Variants in LRRC9 observed in about 807,000 individuals in gnomAD.
LRRC9 encodes leucine-rich repeat-containing protein 9.
LRRC9 carries 122 observed loss-of-function variants against 63.2 expected under a neutral mutation model. The observed-to-expected ratio is 1.93, with a 90% confidence interval of 1.67 to 2.24. The LOEUF is 2.24. LRRC9 is among the 30% of genes most tolerant of loss of function. LRRC9 has a pLI of 0.00. For synonymous variants in LRRC9, 366 were observed against 213.1 expected (o/e 1.72, Z -6.25); for missense variants, 1,071 against 627.7 (o/e 1.71, Z -7.55).
intron 8 of LRRC9, among the ~76,000 whole-genome samples, chr14:59,949,774 C>A (rs1463613732): frequency 6.7e-6 from 1 of 150,176 alleles, no homozygotes; most frequent in East Asian, 2.0e-4. Flanking sequence ...CATTCAGGAG[C>A]AGGTTGTTCA....
Position 59,932,159 on chromosome 14 carries a change from C to A in LRRC9, c.543+120C>A. On this transcript the variant is annotated intron_variant, in intron 6 of 31. Transcript: ENST00000445360. The surrounding 1 kb of genome is among the most constrained non-coding windows in gnomAD (Gnocchi z 4.7). ...ATAAGTTCATTATTTTGGGCTGATGCTCCAGGAAATTTGAAAGTCATCTGA... is the reference window on the plus strand; with the variant it reads ...ATAAGTTCATTATTTTGGGCTGATGATCCAGGAAATTTGAAAGTCATCTGA... 1.8e-6 allele frequency: 1 copy of A among 570,626 alleles called. No homozygotes were observed. The highest frequency in any genetic ancestry group is 3.1e-6 in the Non-Finnish European group (1 of 325,530). The allele number at this position is 570,626 out of a possible 1,614,324, so 35.3% of individuals were successfully genotyped here.
At chr14:59,947,427 G>T (rs1882571650) in intron 8 of LRRC9, among the ~76,000 whole-genome samples, 2 of 124,250 alleles carry the variant, frequency 1.6e-5, no homozygotes, top group Admixed American at 8.1e-5. Context: ...AGATGAGTAG[G>T]TTGCAAAAAT....
chr14:59,954,505 G>A (rs919298402), intron 8 of LRRC9, among the ~76,000 whole-genome samples: 1 of 152,084 alleles, frequency 6.6e-6, no homozygotes, highest in Non-Finnish European at 1.5e-5. Flanking sequence ...TTTGTACATT[G>A]ATTTTATATC....
intron 8 of LRRC9, among the ~76,000 whole-genome samples, chr14:59,956,938 A>G (rs1464536983): frequency 6.6e-6 from 1 of 152,166 alleles, no homozygotes; most frequent in Non-Finnish European, 1.5e-5. Flanking sequence ...CTTTTCTTTA[A>G]GAATGTTGAA....
chr14:60,026,340 T>C (rs932196333), intron 27 of LRRC9, among the ~76,000 whole-genome samples: 6 of 152,144 alleles, frequency 3.9e-5, no homozygotes, highest in Non-Finnish European at 7.4e-5. Flanking sequence ...CTCATTTGTA[T>C]TTCCCTTATG....
Position 60,053,354 on chromosome 14 carries a change from G to T in LRRC9, c.4131+149G>T. 1 of 545,940 alleles carries T rather than the reference G, an allele frequency of 1.8e-6. No homozygotes were observed. Among genetic ancestry groups the T allele is most frequent in the South Asian group, 2.4e-5 (1 of 41,650 alleles). The allele number at this position is 545,940 out of a possible 1,614,324, so 33.8% of individuals were successfully genotyped here. ...TATTTAGTGATTACTATCAAAGGCA[G>T]CTGGATTTGGTGAATAGAGCATGCG... On this transcript the variant is annotated intron_variant, in intron 30 of 31. Coordinates refer to ENST00000445360, the Ensembl canonical transcript of LRRC9. This position sits in a 1 kb window ranked among gnomAD's most constrained non-coding sequence, Gnocchi z 4.8.
intron 26 of LRRC9, 57 bp downstream of exon 26, chr14:60,019,317 G>A (rs756271424): frequency 7.9e-6 from 5 of 631,180 alleles, no homozygotes; most frequent in Non-Finnish European, 1.4e-5. Flanking sequence ...TTTAAAAGCA[G>A]TTAATCACAT....
At position 59,967,312 on chromosome 14, in the gene LRRC9, A is replaced by G. The variant is rs1884961054; in HGVS notation, c.1506+99A>G. 6.3e-6 allele frequency: 3 copies of G among 473,458 alleles called. 1 individual carries two copies. In the Middle Eastern group the frequency reaches 1.1e-3, roughly 179 times the overall value. The allele number at this position is 473,458 out of a possible 1,614,324, so 29.3% of individuals were successfully genotyped here. On this transcript the variant is annotated intron_variant, in intron 12 of 31. Coordinates refer to ENST00000445360, the Ensembl canonical transcript of LRRC9. ...TCCCAATCCTTTTATCCATATTTAT[A>G]GTAAATTTCTACTGCTGTTTCACAA...
At chr14:60,010,654 G>C (rs944759222) in intron 23 of LRRC9, among the ~76,000 whole-genome samples, 1 of 152,232 alleles carries the variant, frequency 6.6e-6, no homozygotes, top group South Asian at 2.1e-4. Flanking sequence ...GCATCATCAG[G>C]CTGCAAATTT....
intron 12 of LRRC9, among the ~76,000 whole-genome samples, chr14:59,972,169 T>C (rs1303149276): frequency 2.6e-5 from 4 of 152,154 alleles, no homozygotes; most frequent in Non-Finnish European, 5.9e-5. Context: ...AATGCTGTTT[T>C]CTATTTTTAC....
chr14:59,990,490 C>T lies in LRRC9; in HGVS notation c.2211+5266C>T, dbSNP rs1469829200. Among the ~76,000 whole-genome samples, 1 of 152,032 alleles carries T rather than the reference C, an allele frequency of 6.6e-6. No individual in the cohort carries two copies. The highest frequency in any genetic ancestry group is 2.4e-5 in the African/African-American group (1 of 41,388). ...ATAATCATAGAGTACACTGCAGCCTCAACTTCCTGGGCTCAAGTGATCCCC... is the reference window on the plus strand; with the variant it reads ...ATAATCATAGAGTACACTGCAGCCTTAACTTCCTGGGCTCAAGTGATCCCC... On this transcript the variant is annotated intron_variant, in intron 17 of 31. Transcript: ENST00000445360. The surrounding 1 kb of genome is among the most constrained non-coding windows in gnomAD (Gnocchi z 4.2).
In LRRC9 at chr14:60,031,046, G is replaced by A. The variant is rs956940597; in HGVS notation, c.3922-949G>A. On this transcript the variant is annotated intron_variant, in intron 28 of 31. Transcript: ENST00000445360. This position sits in a 1 kb window ranked among gnomAD's most constrained non-coding sequence, Gnocchi z 4.6. ...ACTACTGTTGTGTTCGGTTTAATTT[G>A]AGAAAATAATGTAAGACTTTTCGCA... 6.6e-6 allele frequency among the ~76,000 whole-genome samples: 1 copy of A among 152,028 alleles called. No individual in the cohort carries two copies. The highest frequency in any genetic ancestry group is 1.5e-5 in the Non-Finnish European group (1 of 67,966).
intron 10 of LRRC9, among the ~76,000 whole-genome samples, chr14:59,965,920 A>AAAAAAAAAAT (rs1274886982): frequency 1.5e-5 from 2 of 136,384 alleles, no homozygotes; most frequent in African/African-American, 2.8e-5. Flanking sequence ...AAAAAAAAAA[A>AAAAAAAAAAT]GATACTGGTG....
rs1421645140 is a variant in LRRC9, at chr14:60,017,006, T to A, written c.3317+216T>A. Among the ~76,000 whole-genome samples the A allele has an allele frequency of 6.6e-6, 1 of 151,902 alleles. No homozygotes were observed. Among genetic ancestry groups the A allele is most frequent in the South Asian group, 2.1e-4 (1 of 4,810 alleles). On this transcript the variant is annotated intron_variant, in intron 24 of 31. Transcript: ENST00000445360. The surrounding 1 kb of genome is among the most constrained non-coding windows in gnomAD (Gnocchi z 4.0). Reference sequence around the variant, plus strand: ...TGCAGCTTCAACCTTGCAGGCTCAATCGATCCTCCGACTATAGGCACGCAC... The same window carrying A: ...TGCAGCTTCAACCTTGCAGGCTCAAACGATCCTCCGACTATAGGCACGCAC...
chr14:59,981,911 C>T (rs973861338), exon 16 of LRRC9: 50 of 702,212 alleles, frequency 7.1e-5, no homozygotes, highest in Admixed American at 1.6e-4. Context: ...CAAAAAAAAC[C>T]CAGAAGTATC....
At chr14:60,009,132 G>A (rs1354666189) in intron 23 of LRRC9, among the ~76,000 whole-genome samples, 9 of 152,094 alleles carry the variant, frequency 5.9e-5, no homozygotes, top group African/African-American at 2.4e-5. Flanking sequence ...CATTTGAAGG[G>A]CCACATGAAA....
At chr14:59,953,355 C>A (rs896508389) in intron 8 of LRRC9, among the ~76,000 whole-genome samples, 1 of 152,198 alleles carries the variant, frequency 6.6e-6, no homozygotes, top group African/African-American at 2.4e-5. Flanking sequence ...ACCACTCTAA[C>A]AGGTATGAGA....
rs1034945844 is a variant in LRRC9, at chr14:60,031,489, A to T, written c.3922-506A>T. ...TGGAAGCTAATAAATAATGCTATGC[A>T]ATAGAGAAGGCAAATTATTTAACAT... On this transcript the variant is annotated intron_variant, in intron 28 of 31. Coordinates refer to ENST00000445360, the Ensembl canonical transcript of LRRC9. This position sits in a 1 kb window ranked among gnomAD's most constrained non-coding sequence, Gnocchi z 4.6. Among the ~76,000 whole-genome samples, 6 of 152,090 alleles carry T rather than the reference A, an allele frequency of 3.9e-5. No individual in the cohort carries two copies. The highest frequency in any genetic ancestry group is 7.4e-5 in the Non-Finnish European group (5 of 67,960).
rs57938700 is a variant in LRRC9, at chr14:59,921,717, A to ATTTTT, written c.-34+1851_-34+1855dup. ...GGAGCTTTTTCATGTGGGCAGTTGG[A>ATTTTT]TTTTTTTTTTTTTTTTTTTTTGCAC... On this transcript the variant is annotated intron_variant, in intron 1 of 31. Coordinates refer to ENST00000445360, the Ensembl canonical transcript of LRRC9. 2.3e-3 allele frequency among the ~76,000 whole-genome samples: 280 copies of ATTTTT among 121,150 alleles called. 9 individuals carry two copies. In the East Asian group the frequency reaches 0.042, roughly 18 times the overall value. The allele number at this position is 121,150 out of a possible 152,430, so 79.5% of individuals were successfully genotyped here. A position where few individuals can be genotyped will look rare whatever the true frequency, so the allele number is the denominator to read the frequency against.
Sources: gnomAD v4.1 joint callset for allele counts (sites outside exome capture counted in the v4.1 genomes callset) on GRCh38, gnomAD v4.1.1 for gene constraint, Gnocchi (gnomAD v3.1) non-coding constraint, MANE v1.5 for transcripts, NCBI Gene and HGNC (gene_info 2026-07-23, HGNC 2026-07-21) for gene names.